The following EFL1 variants were observed in gnomAD, a reference collection of about 807,000 sequenced individuals.
EFL1 encodes elongation factor like GTPase 1.
Under a neutral mutation model 126.7 loss-of-function variants are expected in EFL1, and 76 were observed. The ratio of observed to expected loss-of-function variants is 0.60; its 90% CI spans 0.50 to 0.73. The LOEUF (loss-of-function observed/expected upper bound fraction) is 0.73, where lower values mean the gene tolerates loss of function less well. Among genes scored for constraint, EFL1 ranks in the 30% least tolerant of loss-of-function variants. The pLI, the probability that EFL1 is intolerant of heterozygous loss-of-function variation, is 0.00. For missense variants in EFL1, 1,128 were observed against 1,343.2 expected, an observed-to-expected ratio of 0.84 and a Z score of 2.50; for synonymous variants, 410 against 448.4, an observed-to-expected ratio of 0.91 and a Z score of 1.08.
At chr15:82,147,067 C>T (rs964323551) in intron 18 of EFL1, among the ~76,000 whole-genome samples, 1 of 151,988 alleles carries the variant, frequency 6.6e-6, no homozygotes, top group Non-Finnish European at 1.5e-5. Context: ...AGAAAATGAA[C>T]ACAGAGGGGT....
rs1258095727 is a variant in EFL1, at chr15:82,200,516, G to A, written c.1750+14201C>T. The stretch of plus-strand genomic sequence containing the variant: ...TCTCCCCTCCTGTTGACTGGACCAT[G>A]GCACAGAGAAAAGAACAGAAAGATA... On this transcript the variant is annotated intron_variant, in intron 15 of 19. Transcript: ENST00000268206. 5.9e-5 allele frequency among the ~76,000 whole-genome samples: 9 copies of A among 152,204 alleles called. No individual in the cohort carries two copies. The South Asian group carries it at 1.2e-3, about 21-fold the overall frequency.
intron 15 of EFL1, among the ~76,000 whole-genome samples, chr15:82,170,318 T>G (rs1024442438): frequency 1.3e-5 from 2 of 151,292 alleles, no homozygotes; most frequent in Admixed American, 6.6e-5. Context: ...GTTTCACCGT[T>G]TTAGCCAGGA....
intron 18 of EFL1, 126 bp from the exon 19 acceptor site, chr15:82,138,968 T>G: frequency 1.1e-6 from 1 of 911,764 alleles, no homozygotes; most frequent in Non-Finnish European, 1.5e-6. Context: ...TAATGTTGAT[T>G]TACAAAAGCA....
rs149156851 is a variant in EFL1, at chr15:82,237,275, G to A, written c.731+1032C>T. ...TTTGCAAAGCACATATGAGACAAAG[G>A]ACTACTGTTTAGAATAGAAAAAACT... On this transcript the variant is annotated intron_variant, in intron 7 of 19. Transcript: ENST00000268206. 6.9e-3 allele frequency among the ~76,000 whole-genome samples: 1,044 copies of A among 152,256 alleles called. 13 individuals are homozygous for A. The highest frequency in any genetic ancestry group is 0.024 in the African/African-American group (1,000 of 41,526).
chr15:82,183,716 T>C (rs1054050151), intron 15 of EFL1, among the ~76,000 whole-genome samples: 19 of 152,224 alleles, frequency 1.2e-4, no homozygotes, highest in African/African-American at 4.3e-4. Context: ...GGATTTACAA[T>C]AGGCCCTTGT....
chr15:82,141,427 T>C (rs538379329), intron 18 of EFL1, among the ~76,000 whole-genome samples: 1 of 152,246 alleles, frequency 6.6e-6, no homozygotes, highest in South Asian at 2.1e-4. Context: ...CCCAGCACTC[T>C]GGGAGGCCAA....
At chr15:82,218,192 G>A (rs1378472807) in intron 14 of EFL1, among the ~76,000 whole-genome samples, 9 of 152,184 alleles carry the variant, frequency 5.9e-5, no homozygotes, top group Non-Finnish European at 1.3e-4. Context: ...AATGTGTAAT[G>A]TTTCAAGCTG....
chr15:82,184,868 C>T (rs2074287121), intron 15 of EFL1, among the ~76,000 whole-genome samples: 1 of 152,074 alleles, frequency 6.6e-6, no homozygotes, highest in Admixed American at 6.6e-5. Flanking sequence ...ATCATAAAAA[C>T]AAAGAAATGT....
At chr15:82,155,142 A>ATTAT (rs998874672) in intron 17 of EFL1, among the ~76,000 whole-genome samples, 20 of 152,096 alleles carry the variant, frequency 1.3e-4, no homozygotes, top group Middle Eastern at 3.2e-3. Context: ...TGAATACGCC[A>ATTAT]TTATTTATTT....
Position 82,132,666 on chromosome 15 carries a change from A to G in EFL1, c.3175-2105T>C, listed in dbSNP as rs540883790. 3.6e-5 allele frequency among the ~76,000 whole-genome samples: 3 copies of G among 83,846 alleles called. No homozygotes were observed. In the South Asian group the frequency reaches 1.7e-3, roughly 48 times the overall value. The allele number at this position is 83,846 out of a possible 152,430, so 55.0% of individuals were successfully genotyped here. On this transcript the variant is annotated intron_variant, in intron 19 of 19. Coordinates refer to ENST00000268206, the MANE Select transcript of EFL1 (RefSeq NM_024580.6). ...TGGGCAACAAGGGGCAGAAAAGGAG[A>G]CAAGGTCCAGGAATTGGGGGGGGGG...
In EFL1 at chr15:82,171,007, A is replaced by G. The variant is rs187246291; in HGVS notation, c.1751-7023T>C. ...GAAATTTGTTTTAAGACAAAAAGAA[A>G]GGGGAAGAGATACGGCTTTACACAA... On this transcript the variant is annotated intron_variant, in intron 15 of 19. Transcript: ENST00000268206. Among the ~76,000 whole-genome samples, 473 of 152,338 alleles carry G rather than the reference A, an allele frequency of 3.1e-3. 1 individual carries two copies. Among genetic ancestry groups the G allele is most frequent in the Admixed American group, 7.5e-3 (114 of 15,300 alleles).
At chr15:82,252,158 TCTC>T (rs2141338904) in intron 4 of EFL1, among the ~76,000 whole-genome samples, 1 of 152,354 alleles carries the variant, frequency 6.6e-6, no homozygotes, top group Non-Finnish European at 1.5e-5. Flanking sequence ...ATTGAACCAT[TCTC>T]CTATTGACAT....
chr15:82,132,279 C>A (rs928286488), intron 19 of EFL1, among the ~76,000 whole-genome samples: 1 of 152,146 alleles, frequency 6.6e-6, no homozygotes, highest in Non-Finnish European at 1.5e-5. Flanking sequence ...TAGAGAAGAA[C>A]ATGAATCAGA....
intron 14 of EFL1, among the ~76,000 whole-genome samples, chr15:82,215,330 G>C (rs2074634186): frequency 6.6e-6 from 1 of 151,954 alleles, no homozygotes; most frequent in Non-Finnish European, 1.5e-5. Flanking sequence ...ACTTTGGAAG[G>C]GTAGTTAGAT....
intron 3 of EFL1, among the ~76,000 whole-genome samples, chr15:82,253,165 A>G (rs1008591765): frequency 1.3e-5 from 2 of 151,852 alleles, no homozygotes; most frequent in Non-Finnish European, 2.9e-5. Context: ...CAGGCCTCCC[A>G]AACAGCTGAG....
chr15:82,138,527 T>TC (rs1391614085), intron 19 of EFL1, 131 bp downstream of exon 19: 26 of 1,019,652 alleles, frequency 2.5e-5, no homozygotes, highest in Non-Finnish European at 3.7e-5. Context: ...CTTTCTCCTG[T>TC]CCATTTGACT....
chr15:82,208,790 T>TA (rs546448768), intron 15 of EFL1, among the ~76,000 whole-genome samples: 8 of 148,954 alleles, frequency 5.4e-5, no homozygotes, highest in African/African-American at 1.2e-4. Context: ...TCCCGATTAT[T>TA]AAAAAAAAAA....
intron 15 of EFL1, among the ~76,000 whole-genome samples, chr15:82,207,391 C>A (rs1033498243): frequency 5.2e-4 from 78 of 151,408 alleles, no homozygotes; most frequent in African/African-American, 1.7e-3. Flanking sequence ...TCTTATTGCA[C>A]CACTATTTAA....
At chr15:82,190,715 T>G (rs894189731) in intron 15 of EFL1, among the ~76,000 whole-genome samples, 3 of 152,212 alleles carry the variant, frequency 2.0e-5, no homozygotes, top group African/African-American at 7.2e-5. Context: ...AAATATATAT[T>G]CCAGGTCTTG....
Sources: allele counts gnomAD v4.1 joint callset (sites outside exome capture counted in the v4.1 genomes callset), GRCh38; gene constraint gnomAD v4.1.1; transcripts MANE v1.5; gene names NCBI Gene and HGNC (gene_info 2026-07-23, HGNC 2026-07-21).